The following CTNNAL1 variants were observed in gnomAD, a reference collection of about 807,000 sequenced individuals.
CTNNAL1 encodes the protein catenin alpha like 1.
A neutral mutation model predicts 93.6 loss-of-function variants in CTNNAL1; 69 were observed. The ratio of observed to expected loss-of-function variants is 0.74; its 90% CI spans 0.61 to 0.90. CTNNAL1 has a LOEUF of 0.90. CTNNAL1 is among the 40% of genes least tolerant of loss of function. The pLI, the probability that CTNNAL1 is intolerant of heterozygous loss-of-function variation, is 0.00. For missense variants in CTNNAL1, 836 were observed against 862.0 expected (o/e 0.97, Z 0.38); for synonymous variants, 286 against 305.4 (o/e 0.94, Z 0.66).
At chr9:108,972,864 G>GGGGGGGGGGGGGCCCC in intron 8 of CTNNAL1, 31 bp from the exon 9 acceptor site, 1 of 142,578 alleles carries the variant, frequency 7.0e-6, no homozygotes, top group Non-Finnish European at 1.0e-5. Flanking sequence ...GGGGGGGTGG[G>GGGGGGGGGGGGGCCCC]AGGGTGGAGA....
At chr9:108,983,794 T>C (rs953443804) in intron 5 of CTNNAL1, among the ~76,000 whole-genome samples, 1 of 152,172 alleles carries the variant, frequency 6.6e-6, no homozygotes, top group African/African-American at 2.4e-5. Flanking sequence ...TAGCATGGGG[T>C]AAATACTCTC....
At chr9:108,998,528 T>G (rs1414961706) in intron 2 of CTNNAL1, among the ~76,000 whole-genome samples, 1 of 152,142 alleles carries the variant, frequency 6.6e-6, no homozygotes, top group Non-Finnish European at 1.5e-5. Context: ...CCCTATGGCC[T>G]AAAAGAATGC....
At chr9:109,005,741 T>C (rs1312684365) in intron 1 of CTNNAL1, among the ~76,000 whole-genome samples, 1 of 152,244 alleles carries the variant, frequency 6.6e-6, no homozygotes, top group Admixed American at 6.5e-5. Context: ...GTTTATTAAA[T>C]ATTTCATTTA....
At chr9:109,003,411 C>G (rs1826911628) in intron 1 of CTNNAL1, among the ~76,000 whole-genome samples, 1 of 152,178 alleles carries the variant, frequency 6.6e-6, no homozygotes, top group Non-Finnish European at 1.5e-5. Context: ...TTCATACCAG[C>G]CCCTGCTCCA....
At position 108,988,727 on chromosome 9, in the gene CTNNAL1, T is replaced by C. The variant is rs186320433; in HGVS notation, c.639+1999A>G. On this transcript the variant is annotated intron_variant, in intron 4 of 18. Transcript: ENST00000325551. Reference sequence around the variant, plus strand: ...ACACACCATGCATGTTTCTGTTTTATTGTCTATCTCCTCCCACCCCTACTA... The same window carrying C: ...ACACACCATGCATGTTTCTGTTTTACTGTCTATCTCCTCCCACCCCTACTA... Among the ~76,000 whole-genome samples the C allele has an allele frequency of 5.4e-3, 823 of 152,334 alleles. 32 individuals carry two copies. The highest frequency in any genetic ancestry group is 0.051 in the Admixed American group (776 of 15,284).
At chr9:108,979,232 G>A (rs1010325520) in intron 7 of CTNNAL1, 49 bp downstream of exon 7, 1 of 1,604,560 alleles carries the variant, frequency 6.2e-7, no homozygotes, top group African/African-American at 1.3e-5. Flanking sequence ...AAAACTTTAT[G>A]GGAAAGCCAT....
chr9:108,990,102 A>C (rs1342817400), intron 4 of CTNNAL1, among the ~76,000 whole-genome samples: 1 of 152,212 alleles, frequency 6.6e-6, no homozygotes, highest in Non-Finnish European at 1.5e-5. Context: ...TTGTAGTTTG[A>C]GAACTACAGA....
At chr9:109,012,125 G>A (rs573383909) in intron 1 of CTNNAL1, among the ~76,000 whole-genome samples, 3 of 152,214 alleles carry the variant, frequency 2.0e-5, no homozygotes, top group African/African-American at 7.2e-5. Context: ...TTAGCCATGC[G>A]AAGGTGAAGA....
chr9:108,966,238 T>G (rs548030311), intron 10 of CTNNAL1, among the ~76,000 whole-genome samples: 1 of 152,266 alleles, frequency 6.6e-6, no homozygotes, highest in African/African-American at 2.4e-5. Flanking sequence ...CACAAAACAC[T>G]TGTAAAGAGG....
At chr9:108,964,021 T>C (rs1164600714) in intron 11 of CTNNAL1, among the ~76,000 whole-genome samples, 2 of 152,194 alleles carry the variant, frequency 1.3e-5, no homozygotes, top group African/African-American at 4.8e-5. Flanking sequence ...AGCAAGCCAC[T>C]TCTCTTCATT....
chr9:108,998,037 A>G (rs1832086991), intron 2 of CTNNAL1, among the ~76,000 whole-genome samples: 1 of 152,282 alleles, frequency 6.6e-6, no homozygotes, highest in East Asian at 1.9e-4. Flanking sequence ...AAATTCCCCC[A>G]AGTATCCACA....
rs757152400 is a variant in CTNNAL1 at position 108,965,359 on chromosome 9, T to C, written c.1591+19A>G. On this transcript the variant is annotated intron_variant, in intron 11 of 18. Transcript: ENST00000325551. ...ACATTAAAATAATAACATATTTCAT[T>C]ATGTGGACAGTTTCTCACCTCGTCT... 1 of 1,393,506 alleles carries C rather than the reference T, an allele frequency of 7.2e-7. No homozygotes were observed. The highest frequency in any genetic ancestry group is 2.7e-5 in the East Asian group (1 of 36,800). 86.3% of individuals were successfully genotyped at this position (1,393,506 alleles called of 1,614,324 possible). A position where few individuals can be genotyped will look rare whatever the true frequency, so the allele number is the denominator to read the frequency against.
At chr9:108,974,999 C>T (rs1192542181) in intron 8 of CTNNAL1, among the ~76,000 whole-genome samples, 2 of 151,808 alleles carry the variant, frequency 1.3e-5, no homozygotes, top group African/African-American at 4.8e-5. Context: ...CCCATCTCTA[C>T]TAAAAATACA....
At chr9:108,986,661 C>T (rs553138451) in intron 4 of CTNNAL1, among the ~76,000 whole-genome samples, 4,866 of 151,878 alleles carry the variant, frequency 0.032, 106 homozygotes, top group Non-Finnish European at 0.049. Flanking sequence ...AAAAGTGCTC[C>T]TATTTCTCCA....
At chr9:108,973,429 G>A (rs1407102773) in intron 8 of CTNNAL1, among the ~76,000 whole-genome samples, 1 of 152,130 alleles carries the variant, frequency 6.6e-6, no homozygotes, top group African/African-American at 2.4e-5. Flanking sequence ...CTGTAGCACT[G>A]TACTAGAGGC....
chr9:109,003,333 TA>T (rs1222157423), intron 1 of CTNNAL1, among the ~76,000 whole-genome samples: 1 of 152,218 alleles, frequency 6.6e-6, no homozygotes, highest in African/African-American at 2.4e-5. Flanking sequence ...ATTTTTAAGA[TA>T]ATCGTATTGG....
intron 1 of CTNNAL1, among the ~76,000 whole-genome samples, chr9:109,012,399 G>A (rs548217946): frequency 1.3e-5 from 2 of 152,218 alleles, no homozygotes; most frequent in East Asian, 3.9e-4. Flanking sequence ...TATGAGTCAC[G>A]AAGTGGTTAC....
intron 1 of CTNNAL1, among the ~76,000 whole-genome samples, chr9:109,007,818 C>T (rs1827079577): frequency 1.3e-5 from 2 of 152,182 alleles, no homozygotes; most frequent in Non-Finnish European, 2.9e-5. Flanking sequence ...ACTCCTTGTC[C>T]ATATCACTCT....
At chr9:109,005,656 G>A (rs1023157354) in intron 1 of CTNNAL1, among the ~76,000 whole-genome samples, 23 of 152,134 alleles carry the variant, frequency 1.5e-4, no homozygotes, top group Admixed American at 1.5e-3. Flanking sequence ...CTACATAACT[G>A]TGAGGCATAA....
Sources: gnomAD v4.1 joint callset for allele counts (sites outside exome capture counted in the v4.1 genomes callset) on GRCh38, gnomAD v4.1.1 for gene constraint, MANE v1.5 for transcripts, NCBI Gene and HGNC (gene_info 2026-07-23, HGNC 2026-07-21) for gene names.